CDC14B: variants seen among roughly 807,000 people sequenced by gnomAD.
CDC14B encodes dual specificity protein phosphatase CDC14B.
CDC14B carries 22 observed loss-of-function variants against 64.2 expected under a neutral mutation model. The observed-to-expected ratio is 0.34, with a 90% CI of 0.24 to 0.49. The LOEUF (loss-of-function observed/expected upper bound fraction) is 0.49. CDC14B is among the 20% of genes least tolerant of loss of function. The pLI, the probability that CDC14B is intolerant of heterozygous loss-of-function variation, is 0.99. For missense variants in CDC14B, 498 were observed against 629.9 expected (o/e 0.79, Z 2.24); for synonymous variants, 191 against 215.8 (o/e 0.89, Z 1.01).
chr9:96,569,870 G>T (rs1031551149), intron 1 of CDC14B, among the ~76,000 whole-genome samples: 1 of 152,084 alleles, frequency 6.6e-6, no homozygotes, highest in Non-Finnish European at 1.5e-5. Flanking sequence ...TTGTAGGCAT[G>T]AGCCACCGCG....
At chr9:96,537,365 G>A (rs1402926895) in intron 7 of CDC14B, among the ~76,000 whole-genome samples, 1 of 152,102 alleles carries the variant, frequency 6.6e-6, no homozygotes, top group African/African-American at 2.4e-5. Context: ...CTGGTTTGAT[G>A]GGGCTGACCC....
At chr9:96,540,592 C>T (rs1411575938) in intron 6 of CDC14B, among the ~76,000 whole-genome samples, 1 of 150,778 alleles carries the variant, frequency 6.6e-6, no homozygotes, top group Non-Finnish European at 1.5e-5. Flanking sequence ...ACTTTGGGTG[C>T]AATACCCAAT....
At position 96,608,658 on chromosome 9, in the gene CDC14B, T is replaced by C. The variant is rs7031156; in HGVS notation, c.160+10561A>G. ...TAAGAAGCAATACTCAGCTTAAAGG[T>C]GCTCTGTAATTACTTCTTACCGAGA... On this transcript the variant is annotated intron_variant, in intron 1 of 13. Transcript: ENST00000375241. Among the ~76,000 whole-genome samples, 1,378 of 152,258 alleles carry C rather than the reference T, an allele frequency of 9.1e-3. 27 individuals carry two copies. Among genetic ancestry groups the C allele is most frequent in the African/African-American group, 0.032 (1,309 of 41,542 alleles).
intron 7 of CDC14B, among the ~76,000 whole-genome samples, chr9:96,534,853 A>C (rs970870504): frequency 2.0e-5 from 3 of 152,196 alleles, no homozygotes; most frequent in African/African-American, 7.2e-5. Context: ...TTCTCATTAT[A>C]GTTGCTGCTA....
intron 13 of CDC14B, among the ~76,000 whole-genome samples, chr9:96,507,420 AT>A (rs547920065): frequency 1.5e-3 from 215 of 143,584 alleles, no homozygotes; most frequent in African/African-American, 1.7e-3. Context: ...TTTTTATTTG[AT>A]TTTTTTTTTT....
rs111275265 is a variant in CDC14B, at chr9:96,529,852, T to G, written c.946+4075A>C. 1.4e-3 allele frequency among the ~76,000 whole-genome samples: 220 copies of G among 152,270 alleles called. 3 individuals are homozygous for G. Among genetic ancestry groups the G allele is most frequent in the African/African-American group, 5.1e-3 (210 of 41,566 alleles). ...CAACCTTTTTATTCTTTCTCAAGATTGTTTTGGCCATTTGGCATCCCTTGA... is the reference window on the plus strand; with the variant it reads ...CAACCTTTTTATTCTTTCTCAAGATGGTTTTGGCCATTTGGCATCCCTTGA... On this transcript the variant is annotated intron_variant, in intron 9 of 13. Transcript: ENST00000375241.
At chr9:96,546,560 G>A (rs1380109451) in intron 5 of CDC14B, among the ~76,000 whole-genome samples, 1 of 151,640 alleles carries the variant, frequency 6.6e-6, no homozygotes, top group Non-Finnish European at 1.5e-5. Flanking sequence ...AGTGATTCTC[G>A]TGCCTCAGCC....
Position 96,533,915 on chromosome 9 carries a change from C to T in CDC14B, c.946+12G>A, listed in dbSNP as rs769025938. On this transcript the variant is annotated intron_variant, in intron 9 of 13. Transcript: ENST00000375241. ...ACTGTATACTATTCTTTAACCACCC[C>T]TAGAAACATACCTTTGCAATGTACT... is the stretch of plus-strand genomic sequence containing the variant. The T allele has an allele frequency of 2.5e-6, 4 of 1,569,204 alleles. No homozygotes were observed.
intron 1 of CDC14B, among the ~76,000 whole-genome samples, chr9:96,570,785 C>T (rs2117993271): frequency 6.6e-6 from 1 of 152,304 alleles, no homozygotes; most frequent in Admixed American, 6.5e-5. Context: ...TTAGCACTAC[C>T]AGGGTCAACT....
intron 12 of CDC14B, among the ~76,000 whole-genome samples, chr9:96,519,498 G>A (rs1836308764): frequency 6.6e-6 from 1 of 152,142 alleles, no homozygotes; most frequent in Admixed American, 6.5e-5. Flanking sequence ...CACTTTGGGA[G>A]GCTGAGGTGG....
intron 1 of CDC14B, among the ~76,000 whole-genome samples, chr9:96,604,880 G>C (rs1264943738): frequency 1.3e-5 from 2 of 152,080 alleles, no homozygotes; most frequent in Non-Finnish European, 2.9e-5. Flanking sequence ...ATGTTGGCCA[G>C]GCTGGTCTTG....
chr9:96,513,214 A>C (rs1470394259), intron 12 of CDC14B, among the ~76,000 whole-genome samples: 1 of 152,222 alleles, frequency 6.6e-6, no homozygotes, highest in African/African-American at 2.4e-5. Flanking sequence ...ATAGAACTTG[A>C]GTGTATTAAC....
chr9:96,547,659 C>A (rs1277888405), intron 5 of CDC14B, among the ~76,000 whole-genome samples: 1 of 152,028 alleles, frequency 6.6e-6, no homozygotes, highest in Admixed American at 6.6e-5. Flanking sequence ...TGCTATGCTG[C>A]AAGGCTGATC....
intron 4 of CDC14B, among the ~76,000 whole-genome samples, chr9:96,558,154 G>A (rs1163196503): frequency 2.0e-5 from 3 of 152,204 alleles, no homozygotes; most frequent in East Asian, 1.9e-4. Context: ...TGGGAAGGGC[G>A]TGTGTGGTCA....
At chr9:96,570,996 T>C (rs992179052) in intron 1 of CDC14B, among the ~76,000 whole-genome samples, 5 of 152,144 alleles carry the variant, frequency 3.3e-5, no homozygotes, top group Admixed American at 2.0e-4. Context: ...CCCAGAGATA[T>C]ATGAACACTT....
In CDC14B at chr9:96,502,732, C is replaced by T; in HGVS notation, c.*1021G>A. The T allele has an allele frequency of 7.6e-6, 3 of 395,380 alleles. No homozygotes were observed. The highest frequency in any genetic ancestry group is 1.3e-5 in the Non-Finnish European group (3 of 224,410). 24.5% of individuals were successfully genotyped at this position (395,380 alleles called of 1,614,324 possible). A position where few individuals can be genotyped will look rare whatever the true frequency, so the allele number is the denominator to read the frequency against. ...AGTTGTGTTCCCTAACCAAAGGCAA[C>T]AGTGAGATCCAGAAGCAGATCATTG... is the stretch of plus-strand genomic sequence containing the variant. On this transcript the variant is annotated 3_prime_UTR_variant, in exon 14 of 14. Coordinates refer to ENST00000375241, the MANE Select transcript of CDC14B (RefSeq NM_033331.4).
intron 5 of CDC14B, among the ~76,000 whole-genome samples, chr9:96,544,788 C>G (rs866048321): frequency 3.9e-5 from 6 of 152,142 alleles, no homozygotes; most frequent in Non-Finnish European, 5.9e-5. Flanking sequence ...TGAGCCACTG[C>G]GTTCAGCCAA....
chr9:96,553,116 A>G (rs1286850295), intron 4 of CDC14B, among the ~76,000 whole-genome samples: 1 of 152,184 alleles, frequency 6.6e-6, no homozygotes, highest in Non-Finnish European at 1.5e-5. Flanking sequence ...TACAATAGTT[A>G]GGAAAATTTT....
intron 12 of CDC14B, chr9:96,514,921 T>C: frequency 1.0e-6 from 1 of 985,444 alleles, no homozygotes; most frequent in Non-Finnish European, 1.2e-6. Flanking sequence ...TTTGCTGCTA[T>C]TAGCCTATTA....
Sources: allele counts gnomAD v4.1 joint callset (sites outside exome capture counted in the v4.1 genomes callset), GRCh38; gene constraint gnomAD v4.1.1; transcripts MANE v1.5; gene names NCBI Gene and HGNC (gene_info 2026-07-23, HGNC 2026-07-21).